Variants in PCDHGB1 observed in about 807,000 individuals in gnomAD.
The protein encoded by PCDHGB1 is protocadherin gamma subfamily B, 1, also known as protocadherin gamma-B1.
Under a neutral mutation model 56.6 loss-of-function variants are expected in PCDHGB1, and 34 were observed. That is an observed-to-expected ratio of 0.60 (90% CI 0.46 to 0.80). The LOEUF (loss-of-function observed/expected upper bound fraction) is 0.80. Among genes scored for constraint, PCDHGB1 ranks in the 30% least tolerant of loss-of-function variants. The probability of loss-of-function intolerance (pLI) is 0.00; values close to 1 mark genes in which losing one functional copy is unlikely to be tolerated. For synonymous variants in PCDHGB1, 561 were observed against 505.9 expected (o/e 1.11, Z -1.46); for missense variants, 1,278 against 1,204.6 (o/e 1.06, Z -0.90).
At chr5:141,394,009 GTAATTATTATAGA>G (rs780846520) in intron 1 of PCDHGB1, 1 of 1,613,394 alleles carries the variant, frequency 6.2e-7, no homozygotes, top group Non-Finnish European at 8.5e-7. Context: ...AAGTCAATAG[GTAATTATTATAGA>G]TTAGTGACAA....
Position 141,476,993 on chromosome 5 carries a change from C to A in PCDHGB1, c.2410-17814C>A. 6.2e-7 allele frequency: 1 copy of A among 1,614,244 alleles called. No individual in the cohort carries two copies. Among genetic ancestry groups the A allele is most frequent in the South Asian group, 1.1e-5 (1 of 91,086 alleles). Reference sequence around the variant, plus strand: ...CAGCCACAACCGCGCCGGCGTGCGGCAACTATTCGCCTTAGACCTTGTAAC... The same window carrying A: ...CAGCCACAACCGCGCCGGCGTGCGGAAACTATTCGCCTTAGACCTTGTAAC... On this transcript the variant is annotated intron_variant, in intron 1 of 3. Coordinates refer to ENST00000523390, the MANE Select transcript of PCDHGB1 (RefSeq NM_018922.3). This position sits in a 1 kb window ranked among gnomAD's most constrained non-coding sequence, Gnocchi z 7.6.
intron 1 of PCDHGB1, chr5:141,383,265 A>AAT: frequency 6.2e-7 from 1 of 1,613,948 alleles, no homozygotes; most frequent in African/African-American, 1.3e-5. Flanking sequence ...TAGACGTGGA[A>AAT]ATAATAGATA....
chr5:141,392,785 T>G (rs1329989423), intron 1 of PCDHGB1: 2 of 1,549,000 alleles, frequency 1.3e-6, no homozygotes, highest in African/African-American at 2.7e-5. Flanking sequence ...ACAGTGAAGA[T>G]TCTGAGAGGA....
At position 141,477,795 on chromosome 5, in the gene PCDHGB1, G is replaced by T. The variant is rs778851755; in HGVS notation, c.2410-17012G>T. The T allele has an allele frequency of 1.2e-5, 19 of 1,613,946 alleles. 1 individual carries two copies. In the South Asian group the frequency reaches 1.6e-4, roughly 14 times the overall value. On this transcript the variant is annotated intron_variant, in intron 1 of 3. Transcript: ENST00000523390. The surrounding 1 kb of genome is among the most constrained non-coding windows in gnomAD (Gnocchi z 4.9). ...AGCGTGAACATATTTGTCACTGATC[G>T]CAATGACAATGCCCCCCAGGTCCTA...
At chr5:141,449,631 G>C in intron 1 of PCDHGB1, among the ~76,000 whole-genome samples, 1 of 148,476 alleles carries the variant, frequency 6.7e-6, no homozygotes, top group Middle Eastern at 3.6e-3. Flanking sequence ...TTAAAAAGAT[G>C]TATCTATATA....
At chr5:141,496,076 C>A (rs2099765713) in intron 2 of PCDHGB1, among the ~76,000 whole-genome samples, 1 of 152,010 alleles carries the variant, frequency 6.6e-6, no homozygotes, top group Non-Finnish European at 1.5e-5. Context: ...GCACACACAA[C>A]CCCCCACCCA....
At chr5:141,484,362 A>T (rs1460176695) in intron 1 of PCDHGB1, among the ~76,000 whole-genome samples, 1 of 152,196 alleles carries the variant, frequency 6.6e-6, no homozygotes, top group Non-Finnish European at 1.5e-5. Context: ...TATCTAGTGT[A>T]TCACTAGCAA....
At chr5:141,392,816 G>C (rs1442012424) in intron 1 of PCDHGB1, 3 of 1,587,594 alleles carry the variant, frequency 1.9e-6, no homozygotes, top group Admixed American at 3.6e-5. Context: ...AAACAACAAT[G>C]GCCGCTCCAC....
At chr5:141,497,129 T>G (rs528066007) in intron 2 of PCDHGB1, among the ~76,000 whole-genome samples, 1 of 151,692 alleles carries the variant, frequency 6.6e-6, no homozygotes, top group Admixed American at 6.6e-5. Flanking sequence ...GAGGTTGCAG[T>G]GAGCTGAGAT....
At chr5:141,361,233 C>G in intron 1 of PCDHGB1, 1 of 1,613,952 alleles carries the variant, frequency 6.2e-7, no homozygotes, top group Non-Finnish European at 8.5e-7. Flanking sequence ...GAACAGTGAT[C>G]GCCTTGATAA....
At chr5:141,414,300 G>T in intron 1 of PCDHGB1, 7 of 1,613,560 alleles carry the variant, frequency 4.3e-6, no homozygotes, top group Non-Finnish European at 5.9e-6. Context: ...TTTTAAATGT[G>T]CATGATTTAG....
rs983998465 is a variant in PCDHGB1 at position 141,494,817 on chromosome 5, C to T, written c.2420C>T (p.Pro807Leu). ...DPSLSSHQAP[P>L]NTDWRFSQAQ... ...CTGTTTTCTCCACAGCAAGCCCCGC[C>T]CAACACGGACTGGCGTTTCTCTCAG... The change falls in exon 2 of 4, where the codon CCC becomes CTC. Residue 807 changes from proline to leucine, a missense_variant. Transcript: ENST00000523390. 1.2e-6 allele frequency: 2 copies of T among 1,614,016 alleles called. No individual in the cohort carries two copies. Among genetic ancestry groups the T allele is most frequent in the Non-Finnish European group, 1.7e-6 (2 of 1,180,026 alleles).
intron 1 of PCDHGB1, chr5:141,404,736 A>T: frequency 6.2e-7 from 1 of 1,613,622 alleles, no homozygotes. Context: ...GTGGCAGTGG[A>T]CAGAGACTCA....
chr5:141,417,285 A>C (rs913143514), intron 1 of PCDHGB1: 2 of 152,254 alleles, frequency 1.3e-5, no homozygotes, highest in African/African-American at 4.8e-5. Flanking sequence ...AAGGAACAAG[A>C]ATGACTGCCT....
intron 1 of PCDHGB1, among the ~76,000 whole-genome samples, chr5:141,480,240 C>CAAA (rs11374694): frequency 1.8e-5 from 2 of 114,046 alleles, no homozygotes; most frequent in Non-Finnish European, 3.8e-5. Context: ...CCTGTCTCTA[C>CAAA]AAAAAAAAAA....
chr5:141,412,534 A>G (rs1324712420), intron 1 of PCDHGB1: 1 of 152,192 alleles, frequency 6.6e-6, no homozygotes, highest in African/African-American at 2.4e-5. Context: ...ACAATTATAA[A>G]GCTTCAGAGT....
At position 141,366,626 on chromosome 5, in the gene PCDHGB1, A is replaced by G. The variant is rs762991853; in HGVS notation, c.2409+13957A>G. ...CTCCCTCACCGCGGACTCGAGGAAG[A>G]GTCACCTGATCTTTCCCCAGCCCAA... On this transcript the variant is annotated intron_variant, in intron 1 of 3. Coordinates refer to ENST00000523390, the MANE Select transcript of PCDHGB1 (RefSeq NM_018922.3). 9 of 1,614,244 alleles carry G rather than the reference A, an allele frequency of 5.6e-6. No individual in the cohort carries two copies. The South Asian group carries it at 9.9e-5, about 18-fold the overall frequency.
In PCDHGB1 at chr5:141,383,993, T is replaced by G. The variant is rs1779669421; in HGVS notation, c.2409+31324T>G. The G allele has an allele frequency of 3.7e-6, 6 of 1,613,872 alleles. No individual in the cohort carries two copies. The highest frequency in any genetic ancestry group is 1.6e-4 in the Middle Eastern group (1 of 6,062). ...CCTGAAGACACACCTCTTGGGACAG[T>G]CATTGCTCTTTTCTACCTACAAGAC... On this transcript the variant is annotated intron_variant, in intron 1 of 3. Transcript: ENST00000523390.
In PCDHGB1 at chr5:141,365,685, TC is replaced by T. The variant is rs770206035; in HGVS notation, c.2409+13019del. 2.5e-6 allele frequency: 4 copies of T among 1,613,270 alleles called. No homozygotes were observed. The South Asian group carries it at 4.4e-5, about 18-fold the overall frequency. On this transcript the variant is annotated intron_variant, in intron 1 of 3. Coordinates refer to ENST00000523390, the MANE Select transcript of PCDHGB1 (RefSeq NM_018922.3). The stretch of plus-strand genomic sequence containing the variant: ...GACGTTAATGACAACCCACCCAATT[TC>T]CCTCAAGCCTCCTACTCCACCTCTG...
Sources: gnomAD v4.1 joint callset for allele counts (sites outside exome capture counted in the v4.1 genomes callset) on GRCh38, gnomAD v4.1.1 for gene constraint, Gnocchi (gnomAD v3.1) non-coding constraint, MANE v1.5 for transcripts, NCBI Gene and HGNC (gene_info 2026-07-23, HGNC 2026-07-21) for gene names.